Variants in ABTB3 observed in about 807,000 individuals in gnomAD.
The protein encoded by ABTB3 is ankyrin repeat- and BTB/POZ domain-containing protein 3.
At chr12:107,520,446 A>G in the ABTB3 span, 1 of 1,597,802 alleles carries the variant, frequency 6.3e-7, no homozygotes, top group African/African-American at 1.3e-5. Flanking sequence ...AAAAATAACA[A>G]TCTGTTTTCC....
the ABTB3 span, among the ~76,000 whole-genome samples, chr12:107,558,401 T>C: frequency 3.3e-5 from 5 of 152,220 alleles, no homozygotes; most frequent in African/African-American, 1.2e-4. Context: ...CTGTCTGCGC[T>C]GAGGCTGTAG....
chr12:107,540,858 G>A, the ABTB3 span, among the ~76,000 whole-genome samples: 27 of 152,134 alleles, frequency 1.8e-4, no homozygotes, highest in Middle Eastern at 3.4e-3. Context: ...ATAAATAGCC[G>A]GGCATGGTGG....
the ABTB3 span, among the ~76,000 whole-genome samples, chr12:107,556,095 A>AT: frequency 0.13 from 17,861 of 139,434 alleles, 1,152 homozygotes; most frequent in Non-Finnish European, 0.14. Flanking sequence ...GTCAGCATCA[A>AT]TTTTTTTTTT....
At chr12:107,407,480 G>A in the ABTB3 span, among the ~76,000 whole-genome samples, 24,660 of 152,070 alleles carry the variant, frequency 0.16, 3,904 homozygotes, top group East Asian at 0.42. Context: ...TCTGCTCCAC[G>A]TGTGTCCAGC....
At chr12:107,509,947 G>A in the ABTB3 span, among the ~76,000 whole-genome samples, 9 of 152,038 alleles carry the variant, frequency 5.9e-5, no homozygotes, top group African/African-American at 1.2e-4. Flanking sequence ...AACATTTATC[G>A]ACTCCCTTCT....
the ABTB3 span, among the ~76,000 whole-genome samples, chr12:107,411,841 C>T: frequency 2.0e-5 from 3 of 152,176 alleles, no homozygotes; most frequent in Non-Finnish European, 4.4e-5. Context: ...ATCTATGTCT[C>T]TGATTAGTGG....
chr12:107,646,533 T>C, the ABTB3 span, among the ~76,000 whole-genome samples: 2 of 152,206 alleles, frequency 1.3e-5, no homozygotes, highest in African/African-American at 2.4e-5. Context: ...TTTTAAATGC[T>C]TATGACCCAT....
chr12:107,386,933 GCA>G, the ABTB3 span, among the ~76,000 whole-genome samples: 1 of 148,174 alleles, frequency 6.7e-6, no homozygotes, highest in African/African-American at 2.6e-5. Flanking sequence ...GTATGTGTGC[GCA>G]TGCTTGCAAG....
the ABTB3 span, chr12:107,520,314 G>C: frequency 1.0e-6 from 1 of 976,672 alleles, no homozygotes; most frequent in Non-Finnish European, 1.2e-6. Flanking sequence ...TTTGCAAATA[G>C]CTGGGCATCC....
chr12:107,656,582 A>G, the ABTB3 span, among the ~76,000 whole-genome samples: 1 of 152,272 alleles, frequency 6.6e-6, no homozygotes, highest in African/African-American at 2.4e-5. Flanking sequence ...TGAGAGCTCC[A>G]ATCCCAGTTC....
the ABTB3 span, among the ~76,000 whole-genome samples, chr12:107,405,507 C>CT: frequency 0.16 from 24,774 of 152,254 alleles, 3,949 homozygotes; most frequent in East Asian, 0.42. Context: ...AGGCACCACT[C>CT]TCCGAGCAGT....
chr12:107,421,125 T>C, the ABTB3 span, among the ~76,000 whole-genome samples: 16 of 152,194 alleles, frequency 1.1e-4, no homozygotes, highest in Non-Finnish European at 2.4e-4. Flanking sequence ...AAAAATTTTG[T>C]CTCCAAGAGA....
the ABTB3 span, among the ~76,000 whole-genome samples, chr12:107,506,034 G>A: frequency 7.2e-5 from 11 of 152,166 alleles, no homozygotes; most frequent in South Asian, 1.9e-3. Flanking sequence ...ATTTCTATTC[G>A]TTTGGGTATA....
At chr12:107,598,909 A>G in the ABTB3 span, among the ~76,000 whole-genome samples, 2 of 152,132 alleles carry the variant, frequency 1.3e-5, no homozygotes. Flanking sequence ...TGCATTACCC[A>G]TTGCTTTCAG....
At chr12:107,657,429 A>G in the ABTB3 span, 1 of 1,200,380 alleles carries the variant, frequency 8.3e-7, no homozygotes, top group Non-Finnish European at 1.2e-6. Context: ...GGTGTGTGCC[A>G]TCATTAGCTC....
the ABTB3 span, among the ~76,000 whole-genome samples, chr12:107,443,949 C>T: frequency 6.6e-6 from 1 of 152,188 alleles, no homozygotes; most frequent in African/African-American, 2.4e-5. Context: ...GCCTTACAGA[C>T]AGGGTCACCT....
chr12:107,572,266 G>C, the ABTB3 span, among the ~76,000 whole-genome samples: 1 of 151,920 alleles, frequency 6.6e-6, no homozygotes, highest in South Asian at 2.1e-4. Flanking sequence ...AAGCTGAGAG[G>C]GGCAAGGAAT....
chr12:107,376,885 T>C, the ABTB3 span, among the ~76,000 whole-genome samples: 9 of 152,154 alleles, frequency 5.9e-5, no homozygotes, highest in Admixed American at 6.5e-5. Flanking sequence ...CCCAGAGGTA[T>C]AAGGGGCAGA....
the ABTB3 span, chr12:107,581,309 G>T: frequency 1.5e-6 from 2 of 1,336,900 alleles, no homozygotes; most frequent in African/African-American, 1.6e-5. Flanking sequence ...GCTCAGGTAG[G>T]CGCGGGGGCG....
Sources: allele counts gnomAD v4.1 joint callset (sites outside exome capture counted in the v4.1 genomes callset), GRCh38; gene constraint gnomAD v4.1.1; transcripts MANE v1.5; gene names NCBI Gene and HGNC (gene_info 2026-07-23, HGNC 2026-07-21).